ADAM12: variants seen among roughly 807,000 people sequenced by gnomAD.
The protein encoded by ADAM12 is ADAM metallopeptidase domain 12.
In ADAM12, 70 loss-of-function variants were observed where a neutral mutation model predicts 106.4. That is an observed-to-expected ratio of 0.66 (90% CI 0.54 to 0.80). The LOEUF is 0.80. Among genes scored for constraint, ADAM12 ranks in the 30% least tolerant of loss-of-function variants. The pLI is 0.00. For missense variants in ADAM12, 1,010 were observed against 1,171.9 expected (o/e 0.86, Z 2.02); for synonymous variants, 420 against 433.5 (o/e 0.97, Z 0.39).
intron 3 of ADAM12, among the ~76,000 whole-genome samples, chr10:126,230,190 C>T (rs1411132333): frequency 6.6e-6 from 1 of 152,108 alleles, no homozygotes; most frequent in African/African-American, 2.4e-5. Flanking sequence ...GCTCTTATGG[C>T]CAAATTACTT....
At position 126,046,781 on chromosome 10, in the gene ADAM12, G is replaced by A. The variant is rs559904393; in HGVS notation, c.1918-649C>T. ...TCATGCTACTGCACTCCAGTCTGGC[G>A]ACAGAGAGAGATTCCGTCTCAAAAA... is the stretch of plus-strand genomic sequence containing the variant. On this transcript the variant is annotated intron_variant, in intron 16 of 22. Coordinates refer to ENST00000448723, the MANE Select transcript of ADAM12 (RefSeq NM_001288973.2). 1.2e-3 allele frequency among the ~76,000 whole-genome samples: 150 copies of A among 123,290 alleles called. 2 individuals carry two copies. The highest frequency in any genetic ancestry group is 4.4e-3 in the African/African-American group (140 of 31,892). 80.9% of individuals were successfully genotyped at this position (123,290 alleles called of 152,430 possible).
chr10:126,166,993 G>A (rs1214249754), intron 3 of ADAM12, among the ~76,000 whole-genome samples: 1 of 152,174 alleles, frequency 6.6e-6, no homozygotes, highest in Non-Finnish European at 1.5e-5. Flanking sequence ...AGCTTACGTT[G>A]CATTCTTCAA....
chr10:126,303,398 A>G (rs1960707764), intron 2 of ADAM12, among the ~76,000 whole-genome samples: 1 of 152,232 alleles, frequency 6.6e-6, no homozygotes, highest in African/African-American at 2.4e-5. Flanking sequence ...ATTAGTGGGA[A>G]GAGTTAAATC....
chr10:126,330,862 T>C (rs113379139), intron 1 of ADAM12, among the ~76,000 whole-genome samples: 2 of 152,202 alleles, frequency 1.3e-5, no homozygotes, highest in Non-Finnish European at 2.9e-5. Flanking sequence ...ATTTAGGATC[T>C]GCTCTGTATT....
chr10:126,132,594 G>A (rs1367467967), intron 5 of ADAM12, among the ~76,000 whole-genome samples: 2 of 151,274 alleles, frequency 1.3e-5, no homozygotes, highest in Non-Finnish European at 2.9e-5. Context: ...CTCACTAGAG[G>A]TGGGCACAGG....
intron 1 of ADAM12, among the ~76,000 whole-genome samples, chr10:126,380,899 G>T (rs1205802011): frequency 6.6e-6 from 1 of 152,148 alleles, no homozygotes; most frequent in Non-Finnish European, 1.5e-5. Flanking sequence ...AATCATGGAC[G>T]CTGCAGAAAC....
chr10:126,337,326 G>A lies in ADAM12; in HGVS notation c.89-6817C>T, dbSNP rs138998692. 4.0e-3 allele frequency among the ~76,000 whole-genome samples: 613 copies of A among 152,316 alleles called. 9 individuals are homozygous for A. The highest frequency in any genetic ancestry group is 0.014 in the African/African-American group (590 of 41,556). Reference sequence around the variant, plus strand: ...CCCAGGGCAGGAGGAATGGGAAGAAGGAAGAGAGCCAGAAGACTCAGCAAG... The same window carrying A: ...CCCAGGGCAGGAGGAATGGGAAGAAAGAAGAGAGCCAGAAGACTCAGCAAG... On this transcript the variant is annotated intron_variant, in intron 1 of 22. Transcript: ENST00000448723.
At chr10:126,276,344 C>T (rs1012307154) in intron 3 of ADAM12, among the ~76,000 whole-genome samples, 1 of 152,150 alleles carries the variant, frequency 6.6e-6, no homozygotes, top group Non-Finnish European at 1.5e-5. Flanking sequence ...TCGGACTTGA[C>T]TCTATTGGGC....
At position 126,311,094 on chromosome 10, in the gene ADAM12, TACACACACACACACACACAC is replaced by T. The variant is rs67514376; in HGVS notation, c.186+19298_186+19317del. On this transcript the variant is annotated intron_variant, in intron 2 of 22. Coordinates refer to ENST00000448723, the MANE Select transcript of ADAM12 (RefSeq NM_001288973.2). ...CTTCCTCATTATACATACACACAAATACACACACACACACACACACACACACACACACACACACACACACC... is the reference window on the plus strand; with the variant it reads ...CTTCCTCATTATACATACACACAAATACACACACACACACACACACACACC... 6.5e-5 allele frequency among the ~76,000 whole-genome samples: 9 copies of T among 138,452 alleles called. No individual in the cohort carries two copies. In the East Asian group the frequency reaches 6.5e-4, roughly 10 times the overall value. 90.8% of individuals were successfully genotyped at this position (138,452 alleles called of 152,430 possible).
chr10:126,255,672 G>T (rs1958876891), intron 3 of ADAM12, among the ~76,000 whole-genome samples: 1 of 152,136 alleles, frequency 6.6e-6, no homozygotes, highest in South Asian at 2.1e-4. Flanking sequence ...CTCCTGATGG[G>T]GACTTCGTCT....
chr10:126,288,281 G>T (rs1342151450), intron 2 of ADAM12, among the ~76,000 whole-genome samples: 2 of 152,200 alleles, frequency 1.3e-5, no homozygotes, highest in African/African-American at 2.4e-5. Context: ...GGCAGGGCTT[G>T]CCCTGTGAGC....
chr10:126,222,839 C>A (rs1958120702), intron 3 of ADAM12, among the ~76,000 whole-genome samples: 1 of 152,184 alleles, frequency 6.6e-6, no homozygotes, highest in Non-Finnish European at 1.5e-5. Flanking sequence ...CATATACTCT[C>A]TCATCCCAAG....
chr10:126,290,991 A>G (rs1288695506), intron 2 of ADAM12, among the ~76,000 whole-genome samples: 1 of 152,248 alleles, frequency 6.6e-6, no homozygotes, highest in African/African-American at 2.4e-5. Context: ...AGGGACATTA[A>G]AATATTATAA....
chr10:126,266,371 A>G (rs1010701107), intron 3 of ADAM12, among the ~76,000 whole-genome samples: 1 of 152,192 alleles, frequency 6.6e-6, no homozygotes, highest in Admixed American at 6.5e-5. Context: ...TGAAGGAGGA[A>G]GAGAAAGATG....
intron 3 of ADAM12, among the ~76,000 whole-genome samples, chr10:126,203,279 A>G (rs57618367): frequency 2.2e-5 from 1 of 45,798 alleles, no homozygotes; most frequent in Non-Finnish European, 4.4e-5. Flanking sequence ...TTTGACATGC[A>G]TATTAATATG....
At chr10:126,314,603 G>T (rs537585517) in intron 2 of ADAM12, among the ~76,000 whole-genome samples, 1 of 152,308 alleles carries the variant, frequency 6.6e-6, no homozygotes, top group East Asian at 1.9e-4. Context: ...AGAGCCCATT[G>T]TCTATATAAA....
chr10:126,023,044 G>A (rs1190338827), intron 21 of ADAM12, among the ~76,000 whole-genome samples: 1 of 152,180 alleles, frequency 6.6e-6, no homozygotes, highest in Non-Finnish European at 1.5e-5. Flanking sequence ...GAGTAAACAT[G>A]CCCTGCTTAT....
chr10:126,333,084 C>T (rs746227603), intron 1 of ADAM12, among the ~76,000 whole-genome samples: 1 of 152,184 alleles, frequency 6.6e-6, no homozygotes. Flanking sequence ...AGAGTTACCA[C>T]GGGCATTGGC....
At chr10:126,077,263 T>A (rs934043807) in intron 11 of ADAM12, among the ~76,000 whole-genome samples, 1 of 151,882 alleles carries the variant, frequency 6.6e-6, no homozygotes, top group Admixed American at 6.6e-5. Context: ...ATGACCCAAA[T>A]AAACAAAAAA....
Sources: allele counts gnomAD v4.1 joint callset (sites outside exome capture counted in the v4.1 genomes callset), GRCh38; gene constraint gnomAD v4.1.1; transcripts MANE v1.5; gene names NCBI Gene and HGNC (gene_info 2026-07-23, HGNC 2026-07-21).